Variants in RAPGEF2 observed in about 807,000 individuals in gnomAD.
The protein encoded by RAPGEF2 is Rap guanine nucleotide exchange factor 2.
Under a neutral mutation model 186.7 loss-of-function variants are expected in RAPGEF2, and 54 were observed. The observed-to-expected ratio is 0.29, with a 90% CI of 0.23 to 0.36. The LOEUF (loss-of-function observed/expected upper bound fraction) is 0.36, where lower values mean the gene tolerates loss of function less well. RAPGEF2 is among the 10% of genes least tolerant of loss of function. RAPGEF2 has a pLI of 1.00. For missense variants in RAPGEF2, 1,532 were observed against 2,045.0 expected, an observed-to-expected ratio of 0.75 and a Z score of 4.84; for synonymous variants, 712 against 705.9, an observed-to-expected ratio of 1.01 and a Z score of -0.14.
At chr4:159,224,933 T>C (rs1751877057) in intron 4 of RAPGEF2, among the ~76,000 whole-genome samples, 1 of 152,192 alleles carries the variant, frequency 6.6e-6, no homozygotes, top group Non-Finnish European at 1.5e-5. Context: ...TGGCTTCAGA[T>C]CTTTGAATTT....
rs1482251067 is a variant in RAPGEF2, at chr4:159,254,619, T to G, written c.543+10828T>G. 2.0e-5 allele frequency among the ~76,000 whole-genome samples: 3 copies of G among 151,248 alleles called. No individual in the cohort carries two copies. In the East Asian group the frequency reaches 5.8e-4, roughly 29 times the overall value. On this transcript the variant is annotated intron_variant, in intron 7 of 29. Coordinates refer to ENST00000691494, the MANE Select transcript of RAPGEF2 (RefSeq NM_001394067.2). Reference sequence around the variant, plus strand: ...GCATGACTTTTTTTTTTTTTTTTTTTTTTAAATGAGACAGAGTCTTGCTCT... The same window carrying G: ...GCATGACTTTTTTTTTTTTTTTTTTGTTTAAATGAGACAGAGTCTTGCTCT...
chr4:159,300,200 A>C (rs1286018823), intron 7 of RAPGEF2, among the ~76,000 whole-genome samples: 1 of 144,506 alleles, frequency 6.9e-6, no homozygotes, highest in African/African-American at 2.5e-5. Flanking sequence ...ACCTAAAATT[A>C]ATATAATCTG....
intron 8 of RAPGEF2, among the ~76,000 whole-genome samples, chr4:159,314,336 CAT>C (rs1165636463): frequency 6.6e-6 from 1 of 152,112 alleles, no homozygotes; most frequent in Non-Finnish European, 1.5e-5. Context: ...TTTCAAATGC[CAT>C]ATGACAGCTA....
intron 4 of RAPGEF2, among the ~76,000 whole-genome samples, chr4:159,213,755 TG>T (rs1360431037): frequency 6.6e-6 from 1 of 152,190 alleles, no homozygotes; most frequent in Non-Finnish European, 1.5e-5. Context: ...ACATGAGTAT[TG>T]TTCCTTGTTA....
intron 7 of RAPGEF2, among the ~76,000 whole-genome samples, chr4:159,271,132 TC>T (rs1758073440): frequency 1.3e-5 from 2 of 152,202 alleles, no homozygotes; most frequent in African/African-American, 2.4e-5. Flanking sequence ...GTCTCTTTAC[TC>T]AATTTACCAA....
At chr4:159,207,700 TG>T (rs1579465123) in intron 3 of RAPGEF2, among the ~76,000 whole-genome samples, 1 of 152,356 alleles carries the variant, frequency 6.6e-6, no homozygotes, top group East Asian at 1.9e-4. Flanking sequence ...TTTATTTCCT[TG>T]GGCTAACGTT....
chr4:159,218,530 C>T (rs994749084), intron 4 of RAPGEF2, among the ~76,000 whole-genome samples: 1 of 152,046 alleles, frequency 6.6e-6, no homozygotes, highest in African/African-American at 2.4e-5. Flanking sequence ...CTGAGGCAGG[C>T]AGATCACCTG....
At chr4:159,326,999 T>C (rs1766016885) in intron 11 of RAPGEF2, 1 of 152,206 alleles carries the variant, frequency 6.6e-6, no homozygotes, top group African/African-American at 2.4e-5. Flanking sequence ...TCTCACCTGT[T>C]AAAGCAAATC....
At chr4:159,280,763 A>G (rs1759581889) in intron 7 of RAPGEF2, among the ~76,000 whole-genome samples, 1 of 152,212 alleles carries the variant, frequency 6.6e-6, no homozygotes. Flanking sequence ...TATTAACAAT[A>G]CTCATTGTAT....
intron 1 of RAPGEF2, among the ~76,000 whole-genome samples, chr4:159,130,491 G>C (rs142828367): frequency 0.015 from 2,239 of 152,222 alleles, 50 homozygotes; most frequent in African/African-American, 0.052. Context: ...AGCCCCCCAA[G>C]TAGCTAGAAC....
intron 1 of RAPGEF2, among the ~76,000 whole-genome samples, chr4:159,184,131 C>T (rs1747318140): frequency 1.3e-5 from 2 of 152,176 alleles, no homozygotes; most frequent in African/African-American, 4.8e-5. Flanking sequence ...TTTCTTAATC[C>T]AGTCTATCAT....
chr4:159,148,086 T>A (rs1269896586), intron 1 of RAPGEF2, among the ~76,000 whole-genome samples: 1 of 152,188 alleles, frequency 6.6e-6, no homozygotes, highest in Non-Finnish European at 1.5e-5. Context: ...TGTTTTTAGG[T>A]TAAAGAGAGC....
chr4:159,168,065 A>G (rs1745512171), intron 1 of RAPGEF2, among the ~76,000 whole-genome samples: 1 of 152,238 alleles, frequency 6.6e-6, no homozygotes, highest in African/African-American at 2.4e-5. Flanking sequence ...CGCAGTTTTT[A>G]TAAAAACCTT....
chr4:159,252,892 T>A (rs1365806559), intron 7 of RAPGEF2, among the ~76,000 whole-genome samples: 1 of 152,246 alleles, frequency 6.6e-6, no homozygotes, highest in Admixed American at 6.5e-5. Context: ...TAAATATGTA[T>A]CCATTGATTA....
intron 1 of RAPGEF2, among the ~76,000 whole-genome samples, chr4:159,124,347 C>T (rs1740046514): frequency 6.6e-6 from 1 of 151,550 alleles, no homozygotes; most frequent in Non-Finnish European, 1.5e-5. Context: ...CAGGACCAGC[C>T]TGGCCAACAT....
chr4:159,341,648 C>T lies in RAPGEF2; in HGVS notation c.2619C>T (p.Ser873=). 1.2e-6 allele frequency: 2 copies of T among 1,613,810 alleles called. No homozygotes were observed. The highest frequency in any genetic ancestry group is 1.7e-6 in the Non-Finnish European group (2 of 1,179,862). Residue 873 remains serine, a synonymous_variant, in exon 20 of 30, where the codon TCC becomes TCT. Transcript: ENST00000691494. ...AQELLRESQI[S]LLQLSTVEVA... Reference sequence around the variant, plus strand: ...AGTTGTTGAGAGAGAGTCAAATTTCCCTCCTTCAGCTCAGCACTGTGGAAG... The same window carrying T: ...AGTTGTTGAGAGAGAGTCAAATTTCTCTCCTTCAGCTCAGCACTGTGGAAG...
intron 11 of RAPGEF2, among the ~76,000 whole-genome samples, chr4:159,325,928 T>C (rs1271630234): frequency 6.6e-6 from 1 of 152,174 alleles, no homozygotes; most frequent in Non-Finnish European, 1.5e-5. Context: ...AAGAAAACTC[T>C]GATTAAGATA....
At chr4:159,319,159 G>A (rs1053517329) in intron 9 of RAPGEF2, among the ~76,000 whole-genome samples, 2 of 152,066 alleles carry the variant, frequency 1.3e-5, no homozygotes, top group African/African-American at 4.8e-5. Flanking sequence ...CCCTGTAGCA[G>A]GAGTCTCCAC....
chr4:159,146,325 TAACTTTAA>T (rs1475299967), intron 1 of RAPGEF2, among the ~76,000 whole-genome samples: 1 of 152,146 alleles, frequency 6.6e-6, no homozygotes, highest in Admixed American at 6.5e-5. Context: ...TCAGAAGTTT[TAACTTTAA>T]AACTTTAAAA....
Sources: allele counts gnomAD v4.1 joint callset (sites outside exome capture counted in the v4.1 genomes callset), GRCh38; gene constraint gnomAD v4.1.1; transcripts MANE v1.5; gene names NCBI Gene and HGNC (gene_info 2026-07-23, HGNC 2026-07-21).